TRPM3: variants seen among roughly 807,000 people sequenced by gnomAD.
TRPM3 encodes the protein long transient receptor potential channel 3.
A neutral mutation model predicts 181.2 loss-of-function variants in TRPM3; 77 were observed. The ratio of observed to expected loss-of-function variants is 0.42; its 90% confidence interval spans 0.35 to 0.51. The LOEUF is 0.51. TRPM3 is among the 20% of genes least tolerant of loss of function. TRPM3 has a pLI of 0.01. For synonymous variants in TRPM3, 745 were observed against 796.4 expected, an observed-to-expected ratio of 0.94 and a Z score of 1.09; for missense variants, 1,759 against 2,196.7, an observed-to-expected ratio of 0.80 and a Z score of 3.98.
rs1046864692 is a variant in TRPM3 at position 71,211,361 on chromosome 9, G to T, written c.183+235292C>A. ...TGTTACTGTTCTTTTATATGATTGT[G>T]TTTTTTTTTTTTTAAATAGGAAGAG... On this transcript the variant is annotated intron_variant, in intron 1 of 24. Transcript: ENST00000357533. Among the ~76,000 whole-genome samples the T allele has an allele frequency of 6.3e-4, 92 of 146,576 alleles. 1 individual carries two copies. Among genetic ancestry groups the T allele is most frequent in the African/African-American group, 2.2e-3 (88 of 39,818 alleles).
At chr9:71,388,023 G>A (rs17535276) in intron 1 of TRPM3, among the ~76,000 whole-genome samples, 3 of 151,954 alleles carry the variant, frequency 2.0e-5, no homozygotes, top group Non-Finnish European at 2.9e-5. Flanking sequence ...GAAGATGAAG[G>A]GTTCTTTTCC....
chr9:71,260,531 ATTTG>A (rs1351141863), intron 1 of TRPM3, among the ~76,000 whole-genome samples: 1 of 152,054 alleles, frequency 6.6e-6, no homozygotes, highest in African/African-American at 2.4e-5. Context: ...ATGTTTTTCC[ATTTG>A]TTTGTGTCTT....
At position 70,536,884 on chromosome 9, in the gene TRPM3, G is replaced by A. The variant is rs1477490960; in HGVS notation, c.4229C>T (p.Ser1410Leu). 6.2e-7 allele frequency: 1 copy of A among 1,614,202 alleles called. No individual in the cohort carries two copies. Among genetic ancestry groups the A allele is most frequent in the Non-Finnish European group, 8.5e-7 (1 of 1,180,036 alleles). ...AIVPDSRRPS[S>L]CIDIYVSAMD... ...AGCAGAGACATAGATGTCTATACACGATGATGGTCTTCTGGAATCAGGAAC... is the reference window on the plus strand; with the variant it reads ...AGCAGAGACATAGATGTCTATACACAATGATGGTCTTCTGGAATCAGGAAC... Residue 1410 changes from serine to leucine, a missense_variant, in exon 26 of 26, where the codon TCG becomes TTG. Ser to Leu is a moderately radical substitution (Grantham distance 145). Transcript: ENST00000677713.
chr9:70,776,376 C>G, intron 7 of TRPM3: 2 of 684,474 alleles, frequency 2.9e-6, no homozygotes, highest in East Asian at 5.6e-5. Flanking sequence ...AACCCTGCCT[C>G]TCAGCTGAGA....
chr9:70,553,106 C>T, intron 23 of TRPM3, 54 bp downstream of exon 23: 2 of 1,613,468 alleles, frequency 1.2e-6, no homozygotes, highest in South Asian at 1.1e-5. Flanking sequence ...GCATCGACTC[C>T]CCTTCACCCC....
intron 1 of TRPM3, among the ~76,000 whole-genome samples, chr9:71,152,098 C>T (rs1007326422): frequency 5.3e-5 from 8 of 152,046 alleles, no homozygotes; most frequent in African/African-American, 1.2e-4. Context: ...TTATAAATAA[C>T]CAGAAGTGCA....
At chr9:70,929,027 T>C (rs1384607971) in intron 1 of TRPM3, among the ~76,000 whole-genome samples, 2 of 152,178 alleles carry the variant, frequency 1.3e-5, no homozygotes, top group African/African-American at 4.8e-5. Context: ...TTCTCCATTA[T>C]CCAGGGAAGA....
intron 1 of TRPM3, among the ~76,000 whole-genome samples, chr9:70,985,766 G>C (rs1255913052): frequency 6.6e-6 from 1 of 152,064 alleles, no homozygotes; most frequent in Non-Finnish European, 1.5e-5. Context: ...AACAAGGGAA[G>C]GGAAACATAT....
chr9:70,841,720 A>G (rs977797160), intron 5 of TRPM3, among the ~76,000 whole-genome samples: 1 of 130,876 alleles, frequency 7.6e-6, no homozygotes, highest in Admixed American at 7.6e-5. Flanking sequence ...ATCTCCCACC[A>G]TATATATATA....
intron 1 of TRPM3, among the ~76,000 whole-genome samples, chr9:71,171,658 C>A (rs886621567): frequency 1.3e-5 from 2 of 151,984 alleles, no homozygotes; most frequent in African/African-American, 4.8e-5. Flanking sequence ...AGAAACAATA[C>A]GGTAATGAGG....
chr9:70,684,793 T>A (rs963723766), intron 8 of TRPM3, among the ~76,000 whole-genome samples: 1 of 152,234 alleles, frequency 6.6e-6, no homozygotes, highest in Non-Finnish European at 1.5e-5. Flanking sequence ...TATTTGCTAA[T>A]ACTTTATTTA....
intron 1 of TRPM3, among the ~76,000 whole-genome samples, chr9:71,039,761 G>A (rs1565046755): frequency 2.0e-5 from 3 of 152,084 alleles, no homozygotes; most frequent in Admixed American, 6.6e-5. Flanking sequence ...GTAAATGGAG[G>A]TAATACCTCA....
intron 6 of TRPM3, chr9:70,793,488 ATAT>A (rs1316561913): frequency 0.081 from 13,878 of 171,282 alleles, 722 homozygotes; most frequent in Admixed American, 0.13. Context: ...ATATATATAT[ATAT>A]AAAACACATA....
chr9:70,884,159 A>C (rs2096048269), intron 1 of TRPM3, among the ~76,000 whole-genome samples: 1 of 152,158 alleles, frequency 6.6e-6, no homozygotes, highest in South Asian at 2.1e-4. Flanking sequence ...GGTGTGGTTT[A>C]TAACAATCCC....
intron 1 of TRPM3, among the ~76,000 whole-genome samples, chr9:71,351,065 G>A (rs980030186): frequency 5.9e-5 from 9 of 152,160 alleles, no homozygotes; most frequent in African/African-American, 2.2e-4. Flanking sequence ...GGATCTGATT[G>A]GGTGATCTTT....
intron 1 of TRPM3, among the ~76,000 whole-genome samples, chr9:71,402,409 C>A (rs566616757): frequency 6.6e-6 from 1 of 152,188 alleles, no homozygotes; most frequent in Admixed American, 6.5e-5. Context: ...TTTTGGTAAC[C>A]CTTATCTTTA....
intron 1 of TRPM3, among the ~76,000 whole-genome samples, chr9:71,225,325 C>G (rs552855831): frequency 6.6e-6 from 1 of 151,148 alleles, no homozygotes; most frequent in East Asian, 1.9e-4. Flanking sequence ...AGTGGCATGA[C>G]GTAAAGTGGT....
intron 1 of TRPM3, among the ~76,000 whole-genome samples, chr9:71,403,866 T>TTAAG (rs1179778117): frequency 6.6e-6 from 1 of 152,058 alleles, no homozygotes; most frequent in African/African-American, 2.4e-5. Context: ...AAAAGGAGAA[T>TTAAG]TAAGAATCCA....
intron 11 of TRPM3, among the ~76,000 whole-genome samples, chr9:70,635,792 A>C (rs1312339188): frequency 6.6e-6 from 1 of 152,154 alleles, no homozygotes; most frequent in African/African-American, 2.4e-5. Context: ...ACACGTTGGC[A>C]GATTTTTGAA....
Sources: allele counts gnomAD v4.1 joint callset (sites outside exome capture counted in the v4.1 genomes callset), GRCh38; gene constraint gnomAD v4.1.1; transcripts MANE v1.5; gene names NCBI Gene and HGNC (gene_info 2026-07-23, HGNC 2026-07-21).